SGMS1: variants seen among roughly 807,000 people sequenced by gnomAD.
SGMS1 encodes the protein sphingomyelin synthase 1, also known as phosphatidylcholine:ceramide cholinephosphotransferase 1.
In SGMS1, 13 loss-of-function variants were observed where a neutral mutation model predicts 46.2. The observed-to-expected ratio is 0.28, with a 90% CI of 0.18 to 0.45. SGMS1 has a LOEUF of 0.45. SGMS1 is among the 20% of genes least tolerant of loss of function. The pLI, the probability that SGMS1 is intolerant of heterozygous loss-of-function variation, is 1.00. For missense variants in SGMS1, 324 were observed against 519.9 expected (o/e 0.62, Z 3.66); for synonymous variants, 203 against 187.8 (o/e 1.08, Z -0.66).
chr10:50,404,089 A>G (rs1205191833), intron 6 of SGMS1, among the ~76,000 whole-genome samples: 1 of 152,134 alleles, frequency 6.6e-6, no homozygotes, highest in Admixed American at 6.5e-5. Context: ...AGACAAGAAG[A>G]CACAAGGGCA....
chr10:50,565,148 T>C (rs1291261215), intron 2 of SGMS1, among the ~76,000 whole-genome samples: 1 of 152,234 alleles, frequency 6.6e-6, no homozygotes, highest in Non-Finnish European at 1.5e-5. Flanking sequence ...TTACATATCA[T>C]TGCCTACCTT....
chr10:50,416,096 C>T (rs1324864370), intron 6 of SGMS1, among the ~76,000 whole-genome samples: 1 of 152,104 alleles, frequency 6.6e-6, no homozygotes, highest in Non-Finnish European at 1.5e-5. Context: ...ATGCATAATT[C>T]CTTGAACTTT....
At chr10:50,314,898 G>A (rs1348367000) in intron 8 of SGMS1, among the ~76,000 whole-genome samples, 3 of 152,282 alleles carry the variant, frequency 2.0e-5, no homozygotes, top group East Asian at 3.9e-4. Context: ...TTCAGCCTGG[G>A]CAACAAAGTG....
chr10:50,480,480 C>A (rs1337103645), intron 3 of SGMS1, among the ~76,000 whole-genome samples: 3 of 151,886 alleles, frequency 2.0e-5, no homozygotes, highest in African/African-American at 7.3e-5. Context: ...GTTGGTGTAC[C>A]ATGGAGAGTG....
chr10:50,522,466 T>C (rs906422646), intron 2 of SGMS1, among the ~76,000 whole-genome samples: 2 of 152,198 alleles, frequency 1.3e-5, no homozygotes, highest in African/African-American at 4.8e-5. Flanking sequence ...ACTTTTATAG[T>C]CATTGTTCAT....
At chr10:50,539,778 G>C (rs1838035910) in intron 2 of SGMS1, among the ~76,000 whole-genome samples, 1 of 152,114 alleles carries the variant, frequency 6.6e-6, no homozygotes, top group Admixed American at 6.6e-5. Flanking sequence ...CCTTGAAATG[G>C]ATCTTTCACT....
At chr10:50,446,674 A>C (rs1461229484) in intron 5 of SGMS1, among the ~76,000 whole-genome samples, 1 of 152,206 alleles carries the variant, frequency 6.6e-6, no homozygotes, top group Non-Finnish European at 1.5e-5. Flanking sequence ...GTATAACTAC[A>C]TATCTGAAGT....
chr10:50,330,149 A>C (rs1222059997), intron 7 of SGMS1, among the ~76,000 whole-genome samples: 1 of 152,096 alleles, frequency 6.6e-6, no homozygotes, highest in Non-Finnish European at 1.5e-5. Context: ...CATTTGGTAC[A>C]ATGATCTAAA....
At chr10:50,321,776 T>C (rs1847449994) in intron 8 of SGMS1, among the ~76,000 whole-genome samples, 1 of 152,144 alleles carries the variant, frequency 6.6e-6, no homozygotes, top group Non-Finnish European at 1.5e-5. Flanking sequence ...AGAGGGCACC[T>C]GGAATACTCT....
In SGMS1 at chr10:50,525,414, T is replaced by G. The variant is rs193055028; in HGVS notation, c.-588-5493A>C. On this transcript the variant is annotated intron_variant, in intron 2 of 10. Coordinates refer to ENST00000361781, the MANE Select transcript of SGMS1 (RefSeq NM_147156.4). ...TCCAAATGCCACCCAGACAGCCTCA[T>G]GAAGAGCAAGGCAGAGAGGATCAAT... Among the ~76,000 whole-genome samples the G allele has an allele frequency of 4.3e-3, 653 of 152,240 alleles. 2 individuals carry two copies. The highest frequency in any genetic ancestry group is 7.1e-3 in the Non-Finnish European group (480 of 68,028).
intron 2 of SGMS1, among the ~76,000 whole-genome samples, chr10:50,527,959 G>A (rs1837919154): frequency 6.6e-6 from 1 of 152,136 alleles, no homozygotes; most frequent in African/African-American, 2.4e-5. Flanking sequence ...TCATATTAAG[G>A]ATTAAATGAG....
At position 50,419,659 on chromosome 10, in the gene SGMS1, C is replaced by T. The variant is rs188505965; in HGVS notation, c.-232+13817G>A. Among the ~76,000 whole-genome samples the T allele has an allele frequency of 5.3e-4, 81 of 152,212 alleles. No individual in the cohort carries two copies. In the East Asian group the frequency reaches 0.014, roughly 26 times the overall value. On this transcript the variant is annotated intron_variant, in intron 6 of 10. Transcript: ENST00000361781. ...ACTTTATTTGGGAATTGGCAAATTA[C>T]AGGGGGCTGCAGAAGTGCTAATTCC...
chr10:50,426,081 A>G (rs938265891), intron 6 of SGMS1, among the ~76,000 whole-genome samples: 1 of 152,230 alleles, frequency 6.6e-6, no homozygotes. Context: ...AAAAATTACA[A>G]TATTGATTTA....
At chr10:50,487,549 A>C (rs1379203448) in intron 3 of SGMS1, among the ~76,000 whole-genome samples, 1 of 152,202 alleles carries the variant, frequency 6.6e-6, no homozygotes, top group Non-Finnish European at 1.5e-5. Context: ...TATTTTAAAT[A>C]CTTTTGCATA....
intron 6 of SGMS1, among the ~76,000 whole-genome samples, chr10:50,397,489 T>C (rs1204109744): frequency 6.6e-6 from 1 of 152,208 alleles, no homozygotes; most frequent in Non-Finnish European, 1.5e-5. Context: ...AGCAACATCC[T>C]GGCTACACAC....
intron 2 of SGMS1, among the ~76,000 whole-genome samples, chr10:50,588,362 G>A (rs1241943164): frequency 6.6e-6 from 1 of 152,190 alleles, no homozygotes; most frequent in East Asian, 1.9e-4. Flanking sequence ...GATACACAGG[G>A]ACGACTTGAG....
intron 2 of SGMS1, among the ~76,000 whole-genome samples, chr10:50,538,692 C>A (rs1838026045): frequency 6.6e-6 from 1 of 152,184 alleles, no homozygotes; most frequent in South Asian, 2.1e-4. Context: ...TCCCCACTGA[C>A]AACTTCTGTG....
At chr10:50,512,077 G>A (rs1225512029) in intron 3 of SGMS1, among the ~76,000 whole-genome samples, 1 of 152,152 alleles carries the variant, frequency 6.6e-6, no homozygotes, top group African/African-American at 2.4e-5. Flanking sequence ...TGAGGGAGTG[G>A]ATTGTGAAAC....
chr10:50,449,370 G>A lies in SGMS1; in HGVS notation c.-313+11303C>T, dbSNP rs142714450. On this transcript the variant is annotated intron_variant, in intron 5 of 10. Coordinates refer to ENST00000361781, the MANE Select transcript of SGMS1 (RefSeq NM_147156.4). ...TCCTTTTAGAGTAACCTGGGGTGGT[G>A]GAGGGAGTGCAGGGCTTTGATTATG... is the stretch of plus-strand genomic sequence containing the variant. Among the ~76,000 whole-genome samples, 321 of 152,268 alleles carry A rather than the reference G, an allele frequency of 2.1e-3. 1 individual carries two copies. The highest frequency in any genetic ancestry group is 0.011 in the Admixed American group (166 of 15,296).
Sources: gnomAD v4.1 joint callset for allele counts (sites outside exome capture counted in the v4.1 genomes callset) on GRCh38, gnomAD v4.1.1 for gene constraint, MANE v1.5 for transcripts, NCBI Gene and HGNC (gene_info 2026-07-23, HGNC 2026-07-21) for gene names.